The following PADI1 variants were observed in gnomAD, a reference collection of about 807,000 sequenced individuals.
PADI1 encodes peptidyl arginine deiminase 1, also known as protein-arginine deiminase type-1.
In PADI1, 65 loss-of-function variants were observed where a neutral mutation model predicts 74.8. The ratio of observed to expected loss-of-function variants is 0.87; its 90% CI spans 0.71 to 1.07. The LOEUF is 1.07. Ranked by LOEUF, PADI1 falls within the 50% of genes least tolerant of loss-of-function variation. The pLI is 0.00. For missense variants in PADI1, 943 were observed against 854.0 expected, an observed-to-expected ratio of 1.10 and a Z score of -1.30; for synonymous variants, 371 against 336.2, an observed-to-expected ratio of 1.10 and a Z score of -1.13.
At chr1:17,228,260 G>C (rs943434008) in intron 6 of PADI1, among the ~76,000 whole-genome samples, 1 of 152,180 alleles carries the variant, frequency 6.6e-6, no homozygotes, top group African/African-American at 2.4e-5. Flanking sequence ...TTATAGACAT[G>C]AGCCACCATA....
chr1:17,216,330 G>C (rs74058973), intron 1 of PADI1, among the ~76,000 whole-genome samples: 1 of 152,150 alleles, frequency 6.6e-6, no homozygotes. Context: ...TGGTGGCTTG[G>C]ACAGGATGTG....
At chr1:17,228,872 C>T (rs1032843270) in intron 7 of PADI1, 75 bp downstream of exon 7, 1 of 1,586,170 alleles carries the variant, frequency 6.3e-7, no homozygotes. Flanking sequence ...CAGGGCTGGG[C>T]AGGCTGGGGG....
intron 1 of PADI1, among the ~76,000 whole-genome samples, chr1:17,209,997 G>A (rs958168322): frequency 6.6e-6 from 1 of 151,954 alleles, no homozygotes; most frequent in African/African-American, 2.4e-5. Context: ...TGGGATTACA[G>A]TTATGCACCA....
chr1:17,235,111 C>T (rs553010410), intron 11 of PADI1, among the ~76,000 whole-genome samples: 4 of 138,770 alleles, frequency 2.9e-5, no homozygotes, highest in Non-Finnish European at 6.2e-5. Context: ...AGCAATACTC[C>T]GTCTAAACAA....
chr1:17,211,026 G>T (rs2071820773), intron 1 of PADI1, among the ~76,000 whole-genome samples: 1 of 152,176 alleles, frequency 6.6e-6, no homozygotes, highest in African/African-American at 2.4e-5. Context: ...TTCAGGATGT[G>T]GGTTTCAACA....
chr1:17,226,113 G>A lies in PADI1; in HGVS notation c.607G>A (p.Val203Met), dbSNP rs146693033. 24 of 1,614,072 alleles carry A rather than the reference G, an allele frequency of 1.5e-5. No individual in the cohort carries two copies. The highest frequency in any genetic ancestry group is 2.7e-5 in the African/African-American group (2 of 74,926). Residue 203 changes from valine (V) to methionine (M), a missense_variant, in exon 6 of 16, where the codon GTG becomes ATG. Coordinates refer to ENST00000375471, the MANE Select transcript of PADI1 (RefSeq NM_013358.3). The stretch of plus-strand genomic sequence containing the variant: ...CGACAGCCACAAGCTTGTCTTGAAC[G>A]TGCCCTTTTCTGATTCCAAAAGAGT... Reference protein sequence around the residue: ...LFDSHKLVLNVPFSDSKRVRV... With the variant: ...LFDSHKLVLNMPFSDSKRVRV...
chr1:17,217,937 G>A (rs1431473588), intron 1 of PADI1, among the ~76,000 whole-genome samples: 3 of 152,254 alleles, frequency 2.0e-5, no homozygotes, highest in East Asian at 1.9e-4. Context: ...TTGATGAAAT[G>A]TTCCTCCAGG....
At chr1:17,226,188 C>A (rs1445684860) in intron 6 of PADI1, 30 bp downstream of exon 6, 2 of 1,611,306 alleles carry the variant, frequency 1.2e-6, no homozygotes, top group Non-Finnish European at 1.7e-6. Context: ...CTTTTCCTCC[C>A]AGCTCCATCC....
At chr1:17,226,220 ATCTC>A (rs2072308162) in intron 6 of PADI1, 62 bp downstream of exon 6, 4 of 1,560,776 alleles carry the variant, frequency 2.6e-6, no homozygotes, top group East Asian at 2.3e-5. Context: ...CTCCTCCCCC[ATCTC>A]TCTCTCTTTT....
At chr1:17,222,217 C>G in intron 1 of PADI1, 73 bp from the exon 2 acceptor site, 2 of 1,155,186 alleles carry the variant, frequency 1.7e-6, no homozygotes, top group Non-Finnish European at 2.5e-6. Context: ...CCCCAAGCCC[C>G]CACCCCACTG....
chr1:17,224,569 G>A lies in PADI1; in HGVS notation c.408+141G>A, dbSNP rs975877654. 3.3e-5 allele frequency: 23 copies of A among 695,246 alleles called. No individual in the cohort carries two copies. The African/African-American group carries it at 3.9e-4, about 12-fold the overall frequency. The allele number at this position is 695,246 out of a possible 1,614,324, so 43.1% of individuals were successfully genotyped here. Reference sequence around the variant, plus strand: ...CCAACCATGTAGGGAACCCATCTGGGACAGCAAAATTGGCATGAGTGGACA... The same window carrying A: ...CCAACCATGTAGGGAACCCATCTGGAACAGCAAAATTGGCATGAGTGGACA... On this transcript the variant is annotated intron_variant, in intron 4 of 15. Coordinates refer to ENST00000375471, the MANE Select transcript of PADI1 (RefSeq NM_013358.3).
At chr1:17,237,000 G>T (rs560473639) in intron 11 of PADI1, among the ~76,000 whole-genome samples, 1 of 152,278 alleles carries the variant, frequency 6.6e-6, no homozygotes, top group South Asian at 2.1e-4. Flanking sequence ...GGGGAGTGAG[G>T]CCAGAGAGCT....
At chr1:17,220,354 G>C (rs1023697912) in intron 1 of PADI1, among the ~76,000 whole-genome samples, 5 of 152,160 alleles carry the variant, frequency 3.3e-5, no homozygotes, top group African/African-American at 1.2e-4. Flanking sequence ...AGAGGTTGTG[G>C]AGGGGGTCTG....
Position 17,228,988 on chromosome 1 carries a change from T to A in PADI1, c.866T>A (p.Phe289Tyr). The change falls in exon 8 of 16, where the codon TTC (phenylalanine) becomes TAC (tyrosine). Residue 289 changes from phenylalanine (F) to tyrosine (Y), a missense_variant. Physicochemically the swap from Phe to Tyr is conservative, Grantham distance 22. Transcript: ENST00000375471. ...EVTLFTDTVG[F>Y]RMAPWIMTPN... Reference sequence around the variant, plus strand: ...ACCCTCTTCACAGACACTGTGGGCTTCCGCATGGCCCCCTGGATCATGACG... The same window carrying A: ...ACCCTCTTCACAGACACTGTGGGCTACCGCATGGCCCCCTGGATCATGACG... 1 of 1,598,468 alleles carries A rather than the reference T, an allele frequency of 6.3e-7. No homozygotes were observed. The highest frequency in any genetic ancestry group is 8.5e-7 in the Non-Finnish European group (1 of 1,171,792).
chr1:17,224,082 TTTGGGG>T (rs2072241669), intron 3 of PADI1, among the ~76,000 whole-genome samples: 1 of 151,338 alleles, frequency 6.6e-6, no homozygotes, highest in Admixed American at 6.6e-5. Flanking sequence ...GTTCTCAGAG[TTTGGGG>T]TCACCAGCAT....
chr1:17,221,471 GAA>G (rs199509580), intron 1 of PADI1, among the ~76,000 whole-genome samples: 2 of 97,446 alleles, frequency 2.1e-5, no homozygotes, highest in Non-Finnish European at 4.4e-5. Flanking sequence ...TCTGTCTCAA[GAA>G]AAAAAAAAAA....
rs550227659 is a variant in PADI1 at position 17,230,002 on chromosome 1, G to A, written c.930-83G>A. 157 of 1,351,266 alleles carry A rather than the reference G, an allele frequency of 1.2e-4. No individual in the cohort carries two copies. The African/African-American group carries it at 1.2e-3, about 11-fold the overall frequency. 83.7% of individuals were successfully genotyped at this position (1,351,266 alleles called of 1,614,324 possible). A position where few individuals can be genotyped will look rare whatever the true frequency, so the allele number is the denominator to read the frequency against. On this transcript the variant is annotated intron_variant, in intron 8 of 15. Transcript: ENST00000375471. ...CCCCTGTACCCCAGAGGCTGCACAG[G>A]GCCCAGCACAAACTGAAGGCCACTC...
chr1:17,244,051 G>A lies in PADI1; in HGVS notation c.1800G>A (p.Lys600=). The change falls in exon 16 of 16, where the codon AAG becomes AAA. Residue 600 remains lysine (K), a synonymous_variant. Transcript: ENST00000375471. ...VVLGKYLGIP[K]PYGPIINGRC... ...TAGGCAAGTACCTGGGCATCCCCAA[G>A]CCCTACGGGCCCATCATCAATGGCC... 6.2e-7 allele frequency: 1 copy of A among 1,614,202 alleles called. No individual in the cohort carries two copies. The highest frequency in any genetic ancestry group is 1.7e-5 in the Admixed American group (1 of 60,016).
chr1:17,240,366 C>G (rs2072749481), intron 14 of PADI1: 1 of 358,406 alleles, frequency 2.8e-6, no homozygotes, highest in Non-Finnish European at 5.2e-6. Flanking sequence ...GGGGCTGGGA[C>G]AGTGTGTTGT....
Sources: gnomAD v4.1 joint callset for allele counts (sites outside exome capture counted in the v4.1 genomes callset) on GRCh38, gnomAD v4.1.1 for gene constraint, MANE v1.5 for transcripts, NCBI Gene and HGNC (gene_info 2026-07-23, HGNC 2026-07-21) for gene names.